The following IGF1R variants were observed in gnomAD, a reference collection of about 807,000 sequenced individuals.
The protein encoded by IGF1R is insulin like growth factor 1 receptor.
In IGF1R, 44 loss-of-function variants were observed where a neutral mutation model predicts 144.6. The observed-to-expected ratio is 0.30, with a 90% CI of 0.24 to 0.39. The LOEUF (loss-of-function observed/expected upper bound fraction) is 0.39. Ranked by LOEUF, IGF1R falls within the 10% of genes least tolerant of loss-of-function variation. IGF1R has a pLI of 1.00. For missense variants in IGF1R, 1,355 were observed against 1,833.7 expected (o/e 0.74, Z 4.77); for synonymous variants, 795 against 722.8 (o/e 1.10, Z -1.60).
In IGF1R at chr15:98,867,128, A is replaced by C. The variant is rs2012492429; in HGVS notation, c.641-24197A>C. ...ACGGAGGGATTGTAGATGGTGTAAA[A>C]CTTCCTTGTGCCAGGAGAGAAAGGG... On this transcript the variant is annotated intron_variant, in intron 2 of 20. Coordinates refer to ENST00000650285, the MANE Select transcript of IGF1R (RefSeq NM_000875.5). Among the ~76,000 whole-genome samples the C allele has an allele frequency of 4.0e-5, 6 of 150,188 alleles. No homozygotes were observed. In the South Asian group the frequency reaches 1.3e-3, roughly 32 times the overall value.
At chr15:98,865,594 T>G (rs1336691919) in intron 2 of IGF1R, among the ~76,000 whole-genome samples, 1 of 152,228 alleles carries the variant, frequency 6.6e-6, no homozygotes, top group African/African-American at 2.4e-5. Flanking sequence ...CTTTGTGGTT[T>G]GGGAAGATAT....
chr15:98,918,553 G>T (rs773276212), intron 10 of IGF1R, among the ~76,000 whole-genome samples: 21 of 152,102 alleles, frequency 1.4e-4, no homozygotes, highest in Admixed American at 2.0e-4. Flanking sequence ...TTGCTTGGTG[G>T]CTTTTTTCTC....
At chr15:98,758,866 T>C (rs1446701505) in intron 2 of IGF1R, among the ~76,000 whole-genome samples, 1 of 152,196 alleles carries the variant, frequency 6.6e-6, no homozygotes, top group Non-Finnish European at 1.5e-5. Context: ...AAAGACTATA[T>C]TTGTGTACAT....
intron 18 of IGF1R, among the ~76,000 whole-genome samples, chr15:98,940,768 G>A (rs987805256): frequency 1.3e-5 from 2 of 152,214 alleles, no homozygotes; most frequent in African/African-American, 4.8e-5. Flanking sequence ...TAGAGGTATT[G>A]AAATGGAACC....
chr15:98,911,535 G>C (rs1596439016), intron 7 of IGF1R, 94 bp downstream of exon 7: 1 of 1,548,226 alleles, frequency 6.5e-7, no homozygotes, highest in African/African-American at 1.4e-5. Context: ...GCTGAATACA[G>C]GGGGTCAGCA....
At chr15:98,820,494 A>G (rs1005253433) in intron 2 of IGF1R, among the ~76,000 whole-genome samples, 6 of 144,110 alleles carry the variant, frequency 4.2e-5, no homozygotes, top group South Asian at 2.1e-4. Flanking sequence ...ACTTCATTCT[A>G]TGATAAGATA....
chr15:98,901,896 C>G (rs2014500433), intron 5 of IGF1R, among the ~76,000 whole-genome samples: 1 of 152,148 alleles, frequency 6.6e-6, no homozygotes, highest in African/African-American at 2.4e-5. Flanking sequence ...TGTTGGGCAA[C>G]TAACACTGGA....
At chr15:98,773,479 A>G (rs1241653341) in intron 2 of IGF1R, among the ~76,000 whole-genome samples, 2 of 152,176 alleles carry the variant, frequency 1.3e-5, no homozygotes, top group Non-Finnish European at 2.9e-5. Flanking sequence ...GTTTCAGCAC[A>G]AGGATTAACA....
chr15:98,649,826 A>AG, intron 1 of IGF1R, 151 bp downstream of exon 1: 1 of 597,388 alleles, frequency 1.7e-6, no homozygotes, highest in African/African-American at 1.9e-5. Flanking sequence ...CTCTGCCGGG[A>AG]GGGAGGCTGC....
At chr15:98,775,437 C>G (rs2055688561) in intron 2 of IGF1R, among the ~76,000 whole-genome samples, 1 of 152,212 alleles carries the variant, frequency 6.6e-6, no homozygotes, top group Admixed American at 6.5e-5. Context: ...TTCGAGGCTT[C>G]TGGGTGAGTA....
At chr15:98,838,740 GA>G (rs1260009937) in intron 2 of IGF1R, among the ~76,000 whole-genome samples, 4 of 152,198 alleles carry the variant, frequency 2.6e-5, no homozygotes, top group African/African-American at 9.7e-5. Flanking sequence ...CAAGACAGCT[GA>G]AATAAGCCCG....
intron 19 of IGF1R, among the ~76,000 whole-genome samples, chr15:98,945,425 C>T (rs900736733): frequency 3.3e-5 from 5 of 152,166 alleles, no homozygotes; most frequent in Admixed American, 3.3e-4. Context: ...GACTCACAGC[C>T]GCCGGTCTTC....
At chr15:98,865,905 G>T (rs750608368) in intron 2 of IGF1R, among the ~76,000 whole-genome samples, 9 of 152,098 alleles carry the variant, frequency 5.9e-5, no homozygotes, top group Non-Finnish European at 1.2e-4. Context: ...GAAAATCTGC[G>T]GTCCGAGAAC....
chr15:98,898,078 G>A (rs1240745648), intron 4 of IGF1R, among the ~76,000 whole-genome samples: 1 of 152,164 alleles, frequency 6.6e-6, no homozygotes, highest in African/African-American at 2.4e-5. Context: ...GATATCCCTT[G>A]TTGCTGTTCA....
chr15:98,691,091 C>G (rs2053464781), intron 1 of IGF1R, among the ~76,000 whole-genome samples: 1 of 152,178 alleles, frequency 6.6e-6, no homozygotes, highest in African/African-American at 2.4e-5. Flanking sequence ...TTTGCCACAG[C>G]TAAGGAACCA....
chr15:98,734,467 C>T (rs1240986334), intron 2 of IGF1R, among the ~76,000 whole-genome samples: 1 of 152,066 alleles, frequency 6.6e-6, no homozygotes, highest in African/African-American at 2.4e-5. Flanking sequence ...CCAGCACTGC[C>T]CAGAATGGCT....
At chr15:98,688,900 C>T (rs992133698) in intron 1 of IGF1R, among the ~76,000 whole-genome samples, 2 of 152,072 alleles carry the variant, frequency 1.3e-5, no homozygotes, top group African/African-American at 2.4e-5. Flanking sequence ...TTACGCAGTA[C>T]GCTTTGATTC....
chr15:98,951,756 G>C (rs1567219646), intron 20 of IGF1R, among the ~76,000 whole-genome samples: 3 of 152,314 alleles, frequency 2.0e-5, no homozygotes, highest in Admixed American at 2.0e-4. Context: ...AGGATGTGTA[G>C]CTGGCTTCTC....
intron 2 of IGF1R, among the ~76,000 whole-genome samples, chr15:98,876,830 A>ACT (rs957121720): frequency 1.6e-4 from 24 of 152,254 alleles, no homozygotes; most frequent in African/African-American, 5.8e-4. Flanking sequence ...TATCTGGGAT[A>ACT]CTCTGTTCTG....
Sources: allele counts gnomAD v4.1 joint callset (sites outside exome capture counted in the v4.1 genomes callset), GRCh38; gene constraint gnomAD v4.1.1; transcripts MANE v1.5; gene names NCBI Gene and HGNC (gene_info 2026-07-23, HGNC 2026-07-21).